Variants in C2orf76 observed in about 807,000 individuals in gnomAD.
C2orf76 encodes the protein UPF0538 protein C2orf76.
A neutral mutation model predicts 16.9 loss-of-function variants in C2orf76; 23 were observed. The observed-to-expected ratio is 1.36, with a 90% CI of 0.98 to 1.93. The LOEUF is 1.93. Ranked by LOEUF, C2orf76 falls within the 30% of genes most tolerant of loss-of-function variation. C2orf76 has a pLI of 0.00. For missense variants in C2orf76, 152 were observed against 152.6 expected (o/e 1.00, Z 0.02); for synonymous variants, 48 against 52.3 (o/e 0.92, Z 0.35).
intron 1 of C2orf76, among the ~76,000 whole-genome samples, chr2:119,344,635 T>C (rs912954980): frequency 4.6e-5 from 7 of 152,274 alleles, no homozygotes; most frequent in African/African-American, 1.7e-4. Flanking sequence ...GTGAGCTTTG[T>C]CAGCAAAGTC....
intron 1 of C2orf76, among the ~76,000 whole-genome samples, chr2:119,350,197 C>T (rs935084549): frequency 6.6e-6 from 1 of 151,574 alleles, no homozygotes; most frequent in Non-Finnish European, 1.5e-5. Flanking sequence ...ACTAGAGACA[C>T]AGGACCCAAG....
chr2:119,352,629 T>C (rs1362832988), intron 1 of C2orf76, among the ~76,000 whole-genome samples: 2 of 152,222 alleles, frequency 1.3e-5, no homozygotes, highest in Non-Finnish European at 2.9e-5. Flanking sequence ...ACCTGCTGGG[T>C]ATTTATAGAC....
intron 1 of C2orf76, among the ~76,000 whole-genome samples, chr2:119,360,031 A>AT (rs1470623791): frequency 6.6e-6 from 1 of 152,194 alleles, no homozygotes; most frequent in African/African-American, 2.4e-5. Context: ...ATTTTAACAA[A>AT]TTGCTACAGC....
At chr2:119,288,046 G>A in the C2orf76 span, among the ~76,000 whole-genome samples, 1 of 150,578 alleles carries the variant, frequency 6.6e-6, no homozygotes, top group Admixed American at 6.6e-5. Context: ...AGGTTTTGGG[G>A]GTGGTGGGCA....
intron 1 of C2orf76, among the ~76,000 whole-genome samples, chr2:119,360,787 A>AGT (rs1680720415): frequency 6.6e-6 from 1 of 152,240 alleles, no homozygotes; most frequent in South Asian, 2.1e-4. Context: ...ATGATGGAAT[A>AGT]GTACTCAGGG....
intron 1 of C2orf76, among the ~76,000 whole-genome samples, chr2:119,348,421 T>A (rs1267353428): frequency 6.6e-6 from 1 of 152,214 alleles, no homozygotes; most frequent in Non-Finnish European, 1.5e-5. Context: ...GCACAGTGGC[T>A]CACGCCTGTA....
intron 4 of C2orf76, among the ~76,000 whole-genome samples, chr2:119,314,258 G>C (rs1679094422): frequency 6.6e-6 from 1 of 151,926 alleles, no homozygotes; most frequent in South Asian, 2.1e-4. Context: ...ATACAGAATA[G>C]TGTAATAAAC....
intron 2 of C2orf76, among the ~76,000 whole-genome samples, chr2:119,337,644 G>A (rs964400780): frequency 6.6e-6 from 1 of 152,128 alleles, no homozygotes; most frequent in Non-Finnish European, 1.5e-5. Context: ...CAAATCAGAT[G>A]ACAAAGATAG....
At chr2:119,329,637 C>T (rs943025816) in intron 2 of C2orf76, among the ~76,000 whole-genome samples, 5 of 151,776 alleles carry the variant, frequency 3.3e-5, no homozygotes, top group Non-Finnish European at 2.9e-5. Context: ...TAGCTGTAAC[C>T]CTTAGATTGT....
intron 1 of C2orf76, among the ~76,000 whole-genome samples, chr2:119,358,328 T>C (rs1208910417): frequency 2.0e-5 from 3 of 151,962 alleles, no homozygotes. Flanking sequence ...TGTAATCCCA[T>C]CATTTTGGGA....
At chr2:119,318,863 ACT>A (rs1477714657) in intron 3 of C2orf76, among the ~76,000 whole-genome samples, 5 of 152,058 alleles carry the variant, frequency 3.3e-5, no homozygotes, top group Non-Finnish European at 5.9e-5. Flanking sequence ...ATCCTCAGTA[ACT>A]CTGTATTCCT....
downstream of C2orf76, among the ~76,000 whole-genome samples, chr2:119,298,762 G>C (rs1016737926): frequency 1.4e-4 from 22 of 151,850 alleles, no homozygotes; most frequent in African/African-American, 5.3e-4. Flanking sequence ...ATACATTTTA[G>C]GTTCAGCACT....
At chr2:119,334,399 A>AT (rs1679775167) in intron 2 of C2orf76, among the ~76,000 whole-genome samples, 1 of 150,700 alleles carries the variant, frequency 6.6e-6, no homozygotes, top group South Asian at 2.1e-4. Flanking sequence ...AAAAAAAAAA[A>AT]AAAAAGGTCG....
intron 5 of C2orf76, 21 bp from the exon 6 acceptor site, chr2:119,302,569 GA>G (rs781307987): frequency 4.1e-5 from 59 of 1,444,704 alleles, no homozygotes; most frequent in African/African-American, 1.5e-4. Flanking sequence ...ACAGAAAATG[GA>G]AAAAAAGATT....
chr2:119,304,122 TC>T (rs1288720079), intron 5 of C2orf76, among the ~76,000 whole-genome samples: 2 of 152,214 alleles, frequency 1.3e-5, no homozygotes, highest in African/African-American at 2.4e-5. Context: ...TAGAAAAAGC[TC>T]CTGGGGTTTC....
At chr2:119,304,528 C>T (rs550978612) in intron 5 of C2orf76, among the ~76,000 whole-genome samples, 30 of 152,186 alleles carry the variant, frequency 2.0e-4, no homozygotes, top group Admixed American at 4.6e-4. Flanking sequence ...GGCATTTATG[C>T]TAGCTCTCAA....
intron 2 of C2orf76, among the ~76,000 whole-genome samples, chr2:119,337,757 G>A (rs1573659194): frequency 6.6e-6 from 1 of 152,156 alleles, no homozygotes; most frequent in South Asian, 2.1e-4. Flanking sequence ...AACAAGCAGT[G>A]GCTGTTATTC....
At chr2:119,323,597 C>T (rs1021607675) in intron 2 of C2orf76, among the ~76,000 whole-genome samples, 12 of 152,070 alleles carry the variant, frequency 7.9e-5, no homozygotes, top group Non-Finnish European at 1.6e-4. Context: ...ATCTGACTCA[C>T]GGTAGGCTGG....
chr2:119,345,730 C>A (rs540208557), intron 1 of C2orf76, among the ~76,000 whole-genome samples: 1 of 152,226 alleles, frequency 6.6e-6, no homozygotes, highest in East Asian at 1.9e-4. Context: ...AAAAAAGTTT[C>A]TTCTTTATAG....
Sources: gnomAD v4.1 joint callset for allele counts (sites outside exome capture counted in the v4.1 genomes callset) on GRCh38, gnomAD v4.1.1 for gene constraint, MANE v1.5 for transcripts, NCBI Gene and HGNC (gene_info 2026-07-23, HGNC 2026-07-21) for gene names.